Variants in MET observed in about 807,000 individuals in gnomAD.
MET encodes the protein hepatocyte growth factor receptor.
In MET, 48 loss-of-function variants were observed where a neutral mutation model predicts 133.1. The observed-to-expected ratio is 0.36, with a 90% CI of 0.29 to 0.46. The LOEUF (loss-of-function observed/expected upper bound fraction) is 0.46. Among genes scored for constraint, MET ranks in the 20% least tolerant of loss-of-function variants. The pLI is 1.00. For missense variants in MET, 1,442 were observed against 1,695.9 expected (o/e 0.85, Z 2.63); for synonymous variants, 628 against 616.5 (o/e 1.02, Z -0.28).
chr7:116,718,117 G>A (rs991808143), intron 2 of MET, among the ~76,000 whole-genome samples: 5 of 152,278 alleles, frequency 3.3e-5, no homozygotes, highest in Admixed American at 6.5e-5. Flanking sequence ...GGCAGGGCAC[G>A]GTGGCTCACA....
At chr7:116,752,520 A>G (rs1269706080) in intron 5 of MET, among the ~76,000 whole-genome samples, 1 of 152,180 alleles carries the variant, frequency 6.6e-6, no homozygotes, top group East Asian at 1.9e-4. Flanking sequence ...TGTTGGGTCT[A>G]TCCAAGGGTG....
In MET at chr7:116,758,450, T is replaced by C; in HGVS notation, c.2103-9T>C. 6.2e-7 allele frequency: 1 copy of C among 1,613,122 alleles called. No homozygotes were observed. Among genetic ancestry groups the C allele is most frequent in the Non-Finnish European group, 8.5e-7 (1 of 1,179,292 alleles). On this transcript the variant is annotated splice_polypyrimidine_tract_variant and intron_variant, in intron 8 of 20. Coordinates refer to ENST00000397752, the MANE Select transcript of MET (RefSeq NM_000245.4). ...GCTAAAATTCACTTCCTTAATTTTT[T>C]TTGTTCAGTGTGTCAAACAGTATTC...
intron 1 of MET, among the ~76,000 whole-genome samples, chr7:116,687,192 G>C (rs907237269): frequency 6.6e-6 from 1 of 152,154 alleles, no homozygotes; most frequent in African/African-American, 2.4e-5. Flanking sequence ...AACCTGCCCT[G>C]AATTGTTTTC....
intron 19 of MET, among the ~76,000 whole-genome samples, chr7:116,784,045 A>G (rs1795231134): frequency 1.3e-5 from 2 of 152,196 alleles, no homozygotes; most frequent in Admixed American, 1.3e-4. Flanking sequence ...CTTCCACCAT[A>G]TGGAGAAGTG....
intron 1 of MET, 43 bp downstream of exon 1, chr7:116,672,620 C>T: frequency 2.7e-6 from 1 of 375,950 alleles, no homozygotes; most frequent in Non-Finnish European, 4.7e-6. Flanking sequence ...CAATCCCTCG[C>T]CTCAGGGGTT....
At chr7:116,789,398 A>G (rs904384409) in intron 19 of MET, among the ~76,000 whole-genome samples, 1 of 152,188 alleles carries the variant, frequency 6.6e-6, no homozygotes, top group Non-Finnish European at 1.5e-5. Flanking sequence ...GCTTTGATTA[A>G]TGGCATCACC....
intron 5 of MET, among the ~76,000 whole-genome samples, chr7:116,751,408 A>T (rs1458739376): frequency 6.6e-6 from 1 of 152,108 alleles, no homozygotes; most frequent in African/African-American, 2.4e-5. Context: ...AACATCACAC[A>T]TAGGGGCCTG....
At chr7:116,698,077 C>T (rs926758874) in intron 1 of MET, among the ~76,000 whole-genome samples, 3 of 151,988 alleles carry the variant, frequency 2.0e-5, no homozygotes, top group African/African-American at 4.8e-5. Context: ...CAGAATTATG[C>T]TATTTAAAAA....
rs2116579265 is a variant in MET at position 116,699,145 on chromosome 7, A to T, written c.61A>T (p.Arg21Trp). 6.2e-7 allele frequency: 1 copy of T among 1,613,910 alleles called. No homozygotes were observed. Among genetic ancestry groups the T allele is most frequent in the Non-Finnish European group, 8.5e-7 (1 of 1,179,890 alleles). ...CGTGCTCCTGTTTACCTTGGTGCAG[A>T]GGAGCAATGGGGAGTGTAAAGAGGC... ...ILVLLFTLVQ[R>W]SNGECKEALA... The change falls in exon 2 of 21, where the codon AGG becomes TGG. Residue 21 changes from arginine to tryptophan, a missense_variant. Arg to Trp is a moderately radical substitution (Grantham distance 101, BLOSUM62 -3). This residue lies in a region of MET where 762 missense variants were observed against 792.4 expected (regional missense o/e 0.96). Transcript: ENST00000397752.
chr7:116,674,228 G>A (rs970621858), intron 1 of MET, among the ~76,000 whole-genome samples: 2 of 152,226 alleles, frequency 1.3e-5, no homozygotes, highest in Middle Eastern at 3.4e-3. Flanking sequence ...ATTAGTTGAT[G>A]GAGTTTATCT....
At chr7:116,693,355 A>G (rs2116547868) in intron 1 of MET, among the ~76,000 whole-genome samples, 1 of 152,304 alleles carries the variant, frequency 6.6e-6, no homozygotes, top group African/African-American at 2.4e-5. Context: ...ACCATGGCTG[A>G]TTTTAGGCTA....
chr7:116,776,656 C>T (rs1562932482), intron 15 of MET, among the ~76,000 whole-genome samples: 1 of 152,194 alleles, frequency 6.6e-6, no homozygotes, highest in East Asian at 1.9e-4. Flanking sequence ...ATACTAGGCA[C>T]TCATGGTGTC....
intron 19 of MET, among the ~76,000 whole-genome samples, chr7:116,793,310 G>A (rs773419186): frequency 1.3e-5 from 2 of 151,944 alleles, no homozygotes; most frequent in African/African-American, 2.4e-5. Context: ...AAGTAGCTGG[G>A]ATTACAGGTG....
At position 116,757,632 on chromosome 7, in the gene MET, C is replaced by A. The variant is rs2116922822; in HGVS notation, c.1966-6C>A. On this transcript the variant is annotated splice_region_variant and splice_polypyrimidine_tract_variant and intron_variant, in intron 7 of 20. Transcript: ENST00000397752. ...TTACTTTGTTTTGTTTTTATCTCCC[C>A]TCCAGGATCCTGTAATAACAAGTAT... is the stretch of plus-strand genomic sequence containing the variant. The A allele has an allele frequency of 6.2e-7, 1 of 1,613,930 alleles. No homozygotes were observed. The highest frequency in any genetic ancestry group is 8.5e-7 in the Non-Finnish European group (1 of 1,179,942).
intron 11 of MET, among the ~76,000 whole-genome samples, chr7:116,766,488 C>T (rs1794633239): frequency 6.6e-6 from 1 of 152,252 alleles, no homozygotes; most frequent in Admixed American, 6.5e-5. Context: ...CATCCTAATC[C>T]ACCTGCTGCC....
intron 2 of MET, among the ~76,000 whole-genome samples, chr7:116,703,259 T>G (rs1417488476): frequency 6.6e-6 from 1 of 152,164 alleles, no homozygotes; most frequent in African/African-American, 2.4e-5. Flanking sequence ...TGTCCATTTT[T>G]TATGTTGCTT....
intron 11 of MET, 129 bp from the exon 12 acceptor site, chr7:116,769,516 T>C: frequency 1.8e-6 from 2 of 1,125,394 alleles, no homozygotes; most frequent in Non-Finnish European, 2.6e-6. Flanking sequence ...AAAATTAGTA[T>C]CATAGAATCG....
chr7:116,733,333 T>C (rs1205514582), intron 3 of MET, among the ~76,000 whole-genome samples: 2 of 151,992 alleles, frequency 1.3e-5, no homozygotes, highest in Non-Finnish European at 1.5e-5. Context: ...TTGCCCCCTT[T>C]TATCTTTATT....
chr7:116,733,843 T>C (rs1793114668), intron 3 of MET, among the ~76,000 whole-genome samples: 1 of 152,160 alleles, frequency 6.6e-6, no homozygotes, highest in Non-Finnish European at 1.5e-5. Context: ...AGAAATTAAA[T>C]TTTAGTAGGA....
Sources: gnomAD v4.1 joint callset for allele counts (sites outside exome capture counted in the v4.1 genomes callset) on GRCh38, gnomAD v4.1.1 for gene constraint, gnomAD v4.1.1 regional missense constraint, MANE v1.5 for transcripts, NCBI Gene and HGNC (gene_info 2026-07-23, HGNC 2026-07-21) for gene names.